The following FGFR1OP2 variants were observed in gnomAD, a reference collection of about 807,000 sequenced individuals.
FGFR1OP2 encodes FGFR1 oncogene partner 2.
Under a neutral mutation model 35.2 loss-of-function variants are expected in FGFR1OP2, and 17 were observed. The ratio of observed to expected loss-of-function variants is 0.48; its 90% CI spans 0.33 to 0.73. The LOEUF is 0.73. Among genes scored for constraint, FGFR1OP2 ranks in the 30% least tolerant of loss-of-function variants. The probability of loss-of-function intolerance (pLI) is 0.02; values close to 1 mark genes in which losing one functional copy is unlikely to be tolerated. For synonymous variants in FGFR1OP2, 105 were observed against 104.6 expected (o/e 1.00, Z -0.03); for missense variants, 251 against 307.3 (o/e 0.82, Z 1.37).
At chr12:26,959,208 C>T (rs1371395472) in intron 4 of FGFR1OP2, among the ~76,000 whole-genome samples, 1 of 151,894 alleles carries the variant, frequency 6.6e-6, no homozygotes, top group African/African-American at 2.4e-5. Context: ...TTAATGTTTT[C>T]TAATTATGCT....
intron 3 of FGFR1OP2, among the ~76,000 whole-genome samples, chr12:26,957,090 A>G (rs840895): frequency 0.083 from 12,578 of 152,034 alleles, 773 homozygotes; most frequent in Middle Eastern, 0.19. Flanking sequence ...TCTTCTTCCC[A>G]CAGCTTTCTT....
chr12:26,959,848 A>G (rs182023366), intron 4 of FGFR1OP2, among the ~76,000 whole-genome samples: 89 of 152,304 alleles, frequency 5.8e-4, no homozygotes, highest in African/African-American at 1.9e-3. Flanking sequence ...GTTATGGGAA[A>G]TAATAAGATG....
chr12:26,956,734 C>T (rs952385075), intron 3 of FGFR1OP2, 74 bp downstream of exon 3: 2 of 767,096 alleles, frequency 2.6e-6, no homozygotes, highest in African/African-American at 1.8e-5. Flanking sequence ...TGCTCTTTAT[C>T]CTGTCCCACA....
chr12:26,957,112 CTT>C (rs1192849601), intron 3 of FGFR1OP2, among the ~76,000 whole-genome samples: 2 of 152,152 alleles, frequency 1.3e-5, no homozygotes, highest in Non-Finnish European at 2.9e-5. Flanking sequence ...ACTGTGAACT[CTT>C]TGCTCTTGCC....
chr12:26,961,567 T>C (rs937530979), intron 5 of FGFR1OP2: 2 of 152,016 alleles, frequency 1.3e-5, no homozygotes, highest in African/African-American at 4.8e-5. Flanking sequence ...TGAAACCCCA[T>C]CTCTACTAAA....
At chr12:26,957,523 A>G (rs1010796900) in intron 3 of FGFR1OP2, 78 bp from the exon 4 acceptor site, 28 of 1,311,792 alleles carry the variant, frequency 2.1e-5, no homozygotes, top group African/African-American at 1.5e-4. Flanking sequence ...TGTCCCGTTC[A>G]TAAGTTGCTT....
At chr12:26,943,656 C>G (rs1211183109) in intron 1 of FGFR1OP2, among the ~76,000 whole-genome samples, 1 of 152,148 alleles carries the variant, frequency 6.6e-6, no homozygotes, top group Non-Finnish European at 1.5e-5. Context: ...GAAACCCCAT[C>G]TCTACTAAAA....
At chr12:26,962,596 ATGTCT>A (rs1248882594) in intron 5 of FGFR1OP2, 1 of 151,498 alleles carries the variant, frequency 6.6e-6, no homozygotes, top group African/African-American at 2.4e-5. Context: ...ATCAGGGGAC[ATGTCT>A]TGACAGTCTT....
In FGFR1OP2 at chr12:26,964,728, A is replaced by T; in HGVS notation, c.757A>T (p.Ser253Cys). The change falls in exon 7 of 7, where the codon AGC becomes TGC. Residue 253 changes from serine to cysteine, a missense_variant. Ser to Cys is a moderately radical substitution (Grantham distance 112). Transcript: ENST00000229395. ...VTNSDLSLRKS is the reference protein window; with the variant it reads ...VTNSDLSLRKC ...CAACAGTGATTTGAGTCTGAGGAAG[A>T]GCTGAAGAGTTTCTGAGTCTGTGAG... 6.2e-7 allele frequency: 1 copy of T among 1,610,236 alleles called. No homozygotes were observed. Among genetic ancestry groups the T allele is most frequent in the African/African-American group, 1.3e-5 (1 of 74,968 alleles).
chr12:26,960,683 T>G (rs1193682692), intron 5 of FGFR1OP2, 55 bp downstream of exon 5: 1 of 1,553,270 alleles, frequency 6.4e-7, no homozygotes, highest in Non-Finnish European at 8.7e-7. Flanking sequence ...GGGTCCATTT[T>G]AAAAGTGCTT....
At chr12:26,939,786 G>C (rs766506118) in intron 1 of FGFR1OP2, among the ~76,000 whole-genome samples, 20 of 152,152 alleles carry the variant, frequency 1.3e-4, no homozygotes, top group Non-Finnish European at 2.6e-4. Context: ...AAAAAGTCCA[G>C]TACTTGGCAC....
intron 6 of FGFR1OP2, 37 bp downstream of exon 6, chr12:26,963,492 C>A: frequency 7.4e-7 from 1 of 1,353,858 alleles, no homozygotes; most frequent in African/African-American, 1.5e-5. Flanking sequence ...GAAAACTGTC[C>A]ATATAAAGAT....
chr12:26,940,440 G>A (rs767137940), intron 1 of FGFR1OP2, among the ~76,000 whole-genome samples: 6 of 152,146 alleles, frequency 3.9e-5, no homozygotes, highest in South Asian at 2.1e-4. Context: ...TTCACATACA[G>A]CGATGTGCCT....
rs1938787794 is a variant in FGFR1OP2 at position 26,944,326 on chromosome 12, C to T, written c.-15+5616C>T. ...AACAGGACTGGTGACTGCAGACATC[C>T]TTCCCTTGTTCCTAATTTTATTGGG... is the stretch of plus-strand genomic sequence containing the variant. On this transcript the variant is annotated intron_variant, in intron 1 of 6. Transcript: ENST00000229395. 2.6e-5 allele frequency among the ~76,000 whole-genome samples: 4 copies of T among 152,264 alleles called. No homozygotes were observed. In the South Asian group the frequency reaches 8.3e-4, roughly 32 times the overall value.
At chr12:26,954,386 A>G (rs1344694678) in intron 2 of FGFR1OP2, 93 bp downstream of exon 2, 6 of 1,415,314 alleles carry the variant, frequency 4.2e-6, no homozygotes, top group East Asian at 2.4e-5. Flanking sequence ...TTTTTTCAAC[A>G]TTCTCTAAAA....
At chr12:26,961,892 G>C (rs890015407) in intron 5 of FGFR1OP2, 5 of 152,170 alleles carry the variant, frequency 3.3e-5, no homozygotes, top group Admixed American at 2.0e-4. Context: ...TACTTAACCT[G>C]CTTTTACATA....
intron 6 of FGFR1OP2, among the ~76,000 whole-genome samples, chr12:26,964,384 G>A (rs1414104855): frequency 2.0e-5 from 3 of 152,286 alleles, no homozygotes; most frequent in Non-Finnish European, 4.4e-5. Flanking sequence ...AGGCTTTGCA[G>A]TGGTGGAAGA....
At chr12:26,945,753 C>T (rs557535227) in intron 1 of FGFR1OP2, among the ~76,000 whole-genome samples, 3 of 150,598 alleles carry the variant, frequency 2.0e-5, no homozygotes, top group East Asian at 2.0e-4. Context: ...CCCAGCCACT[C>T]GGGAGGCTGA....
At chr12:26,955,626 T>C (rs958775362) in intron 2 of FGFR1OP2, among the ~76,000 whole-genome samples, 8 of 152,268 alleles carry the variant, frequency 5.3e-5, no homozygotes, top group African/African-American at 1.9e-4. Context: ...TTAAGGTTCA[T>C]CTATGTTATA....
Sources: allele counts gnomAD v4.1 joint callset (sites outside exome capture counted in the v4.1 genomes callset), GRCh38; gene constraint gnomAD v4.1.1; transcripts MANE v1.5; gene names NCBI Gene and HGNC (gene_info 2026-07-23, HGNC 2026-07-21).